SLC24A2: variants seen among roughly 807,000 people sequenced by gnomAD.
SLC24A2 encodes sodium/potassium/calcium exchanger 2.
Under a neutral mutation model 62.0 loss-of-function variants are expected in SLC24A2, and 36 were observed. The ratio of observed to expected loss-of-function variants is 0.58; its 90% CI spans 0.44 to 0.77. SLC24A2 has a LOEUF of 0.77. Ranked by LOEUF, SLC24A2 falls within the 30% of genes least tolerant of loss-of-function variation. The probability of loss-of-function intolerance (pLI) is 0.00; values close to 1 mark genes in which losing one functional copy is unlikely to be tolerated. For missense variants in SLC24A2, 846 were observed against 817.9 expected, an observed-to-expected ratio of 1.03 and a Z score of -0.42; for synonymous variants, 358 against 294.0, an observed-to-expected ratio of 1.22 and a Z score of -2.23.
chr9:19,918,524 T>G, the SLC24A2 span, among the ~76,000 whole-genome samples: 11 of 152,220 alleles, frequency 7.2e-5, no homozygotes, highest in East Asian at 1.5e-3. Context: ...TTTCCACATC[T>G]CTGATTTCCA....
At chr9:19,643,645 A>G (rs551019450) in intron 2 of SLC24A2, among the ~76,000 whole-genome samples, 5 of 152,352 alleles carry the variant, frequency 3.3e-5, no homozygotes, top group Non-Finnish European at 7.3e-5. Context: ...CAGACTTGTC[A>G]TGTCTGAGCT....
chr9:20,042,930 G>A, the SLC24A2 span, among the ~76,000 whole-genome samples: 1 of 152,162 alleles, frequency 6.6e-6, no homozygotes, highest in Non-Finnish European at 1.5e-5. Context: ...ATTGATAAAT[G>A]TTATGTGTAT....
chr9:20,296,383 T>C, the SLC24A2 span, among the ~76,000 whole-genome samples: 8 of 152,234 alleles, frequency 5.3e-5, no homozygotes, highest in African/African-American at 1.9e-4. Context: ...CTAGTACTGG[T>C]GATATAAATT....
the SLC24A2 span, among the ~76,000 whole-genome samples, chr9:20,111,717 T>A: frequency 4.6e-5 from 7 of 152,112 alleles, no homozygotes; most frequent in Non-Finnish European, 1.0e-4. Context: ...AAGCACTGGT[T>A]TAACACATCA....
the SLC24A2 span, among the ~76,000 whole-genome samples, chr9:20,087,104 T>A: frequency 6.6e-6 from 1 of 152,156 alleles, no homozygotes; most frequent in African/African-American, 2.4e-5. Context: ...GTGCAGAGCT[T>A]TATCCTTTCT....
At chr9:20,005,344 A>C in the SLC24A2 span, among the ~76,000 whole-genome samples, 1 of 152,214 alleles carries the variant, frequency 6.6e-6, no homozygotes, top group Non-Finnish European at 1.5e-5. Flanking sequence ...AAGGAATCAA[A>C]ATAATTAAAA....
At chr9:20,098,944 A>T in the SLC24A2 span, among the ~76,000 whole-genome samples, 1 of 152,300 alleles carries the variant, frequency 6.6e-6, no homozygotes, top group Middle Eastern at 3.4e-3. Context: ...CAAAGTATTG[A>T]TTTAGGATAT....
the SLC24A2 span, among the ~76,000 whole-genome samples, chr9:20,107,785 G>A: frequency 6.6e-6 from 1 of 152,028 alleles, no homozygotes; most frequent in East Asian, 1.9e-4. Context: ...ATAGGCATGG[G>A]CAAGGACTTC....
At chr9:19,551,293 C>T (rs993402988) in intron 7 of SLC24A2, among the ~76,000 whole-genome samples, 2 of 152,174 alleles carry the variant, frequency 1.3e-5, no homozygotes, top group Admixed American at 6.5e-5. Context: ...CACGGGGTGT[C>T]GGAGCCAGGG....
the SLC24A2 span, among the ~76,000 whole-genome samples, chr9:19,996,138 G>C: frequency 6.6e-6 from 1 of 152,208 alleles, no homozygotes; most frequent in Non-Finnish European, 1.5e-5. Flanking sequence ...ATAGGGTAAA[G>C]TTGGGAAAGA....
intron 2 of SLC24A2, among the ~76,000 whole-genome samples, chr9:19,658,094 A>G (rs955027801): frequency 6.6e-6 from 1 of 152,182 alleles, no homozygotes; most frequent in African/African-American, 2.4e-5. Context: ...TACCTCCATT[A>G]TGGAAATTAC....
the SLC24A2 span, among the ~76,000 whole-genome samples, chr9:20,099,071 A>T: frequency 6.6e-6 from 1 of 152,230 alleles, no homozygotes; most frequent in African/African-American, 2.4e-5. Flanking sequence ...ATAAAGGTAC[A>T]TGTAGCAGCA....
chr9:19,934,467 A>G, the SLC24A2 span, among the ~76,000 whole-genome samples: 38 of 151,018 alleles, frequency 2.5e-4, no homozygotes, highest in Non-Finnish European at 5.3e-4. The surrounding 1 kb of genome is among the most constrained non-coding windows in gnomAD (Gnocchi z 4.1). Flanking sequence ...AAGGACCCCA[A>G]GCAAATCCTG....
the SLC24A2 span, among the ~76,000 whole-genome samples, chr9:19,868,630 A>T: frequency 6.6e-6 from 1 of 151,920 alleles, no homozygotes; most frequent in Non-Finnish European, 1.5e-5. Flanking sequence ...TTTTTACTTA[A>T]CGTATTTTGA....
At chr9:20,262,401 C>T in the SLC24A2 span, among the ~76,000 whole-genome samples, 1 of 152,202 alleles carries the variant, frequency 6.6e-6, no homozygotes, top group East Asian at 1.9e-4. Context: ...AGACCAAGTG[C>T]CTAGCACATT....
At chr9:20,253,550 G>A in the SLC24A2 span, among the ~76,000 whole-genome samples, 1 of 152,118 alleles carries the variant, frequency 6.6e-6, no homozygotes, top group Non-Finnish European at 1.5e-5. Flanking sequence ...GCTCCGCACT[G>A]GGATCATCTT....
intron 2 of SLC24A2, among the ~76,000 whole-genome samples, chr9:19,739,228 A>T (rs1821601793): frequency 6.6e-6 from 1 of 152,256 alleles, no homozygotes; most frequent in Non-Finnish European, 1.5e-5. Flanking sequence ...ATGGAAATAT[A>T]CAAAATGCTT....
chr9:19,630,242 A>G (rs1477134525), intron 2 of SLC24A2, among the ~76,000 whole-genome samples: 1 of 152,176 alleles, frequency 6.6e-6, no homozygotes, highest in Non-Finnish European at 1.5e-5. Context: ...AAAGACTATA[A>G]AAGTGTAAAG....
the SLC24A2 span, among the ~76,000 whole-genome samples, chr9:19,821,668 G>A: frequency 7.2e-5 from 11 of 151,980 alleles, no homozygotes; most frequent in Non-Finnish European, 7.4e-5. Context: ...ATTTTTAAAT[G>A]CCATCCTCAT....
Sources: gnomAD v4.1 joint callset for allele counts (sites outside exome capture counted in the v4.1 genomes callset) on GRCh38, gnomAD v4.1.1 for gene constraint, Gnocchi (gnomAD v3.1) non-coding constraint, MANE v1.5 for transcripts, NCBI Gene and HGNC (gene_info 2026-07-23, HGNC 2026-07-21) for gene names.